Variants in SIPA1L1 observed in about 807,000 individuals in gnomAD.
The protein encoded by SIPA1L1 is signal induced proliferation associated 1 like 1.
In SIPA1L1, 26 loss-of-function variants were observed where a neutral mutation model predicts 162.7. The ratio of observed to expected loss-of-function variants is 0.16; its 90% CI spans 0.12 to 0.22. SIPA1L1 has a LOEUF of 0.22. SIPA1L1 is among the 10% of genes least tolerant of loss of function. The pLI is 1.00. For missense variants in SIPA1L1, 1,874 were observed against 2,241.0 expected (o/e 0.84, Z 3.31); for synonymous variants, 829 against 837.4 (o/e 0.99, Z 0.17).
At chr14:71,535,652 C>G (rs891648213) in intron 4 of SIPA1L1, among the ~76,000 whole-genome samples, 10 of 151,828 alleles carry the variant, frequency 6.6e-5, no homozygotes, top group Admixed American at 4.6e-4. Context: ...CAGTCTGTCA[C>G]CTAGGCTGGT....
chr14:71,513,010 C>G (rs1188471588), intron 3 of SIPA1L1, among the ~76,000 whole-genome samples, 165 bp downstream of exon 3: 1 of 152,142 alleles, frequency 6.6e-6, no homozygotes, highest in African/African-American at 2.4e-5. Flanking sequence ...CTTTCCAGAT[C>G]GAACCAATGT....
intron 2 of SIPA1L1, among the ~76,000 whole-genome samples, chr14:71,437,881 A>G (rs1260766815): frequency 6.6e-6 from 1 of 152,212 alleles, no homozygotes; most frequent in African/African-American, 2.4e-5. Flanking sequence ...CTCAATAGGA[A>G]GTAATTTGGA....
chr14:71,570,083 G>A (rs2031665096), intron 4 of SIPA1L1, among the ~76,000 whole-genome samples: 1 of 152,038 alleles, frequency 6.6e-6, no homozygotes, highest in African/African-American at 2.4e-5. Context: ...AAGTTTAGAG[G>A]ATAAGCAGAT....
At chr14:71,349,010 G>A (rs1485653176) in intron 2 of SIPA1L1, among the ~76,000 whole-genome samples, 2 of 152,180 alleles carry the variant, frequency 1.3e-5, no homozygotes, top group African/African-American at 4.8e-5. Context: ...CTCATCCACC[G>A]CAAGGGTTGT....
chr14:71,324,683 ATGTACTCTTT>A (rs1260397011), intron 2 of SIPA1L1, among the ~76,000 whole-genome samples: 2 of 152,236 alleles, frequency 1.3e-5, no homozygotes, highest in African/African-American at 4.8e-5. Context: ...ACAGAGCATA[ATGTACTCTTT>A]AGCTCTTTAG....
intron 4 of SIPA1L1, among the ~76,000 whole-genome samples, chr14:71,581,385 A>T (rs995217324): frequency 6.6e-6 from 1 of 152,114 alleles, no homozygotes; most frequent in Admixed American, 6.6e-5. Context: ...AAGCAAGGTG[A>T]TATATACAGT....
At chr14:71,511,236 T>G (rs1939585479) in intron 2 of SIPA1L1, among the ~76,000 whole-genome samples, 1 of 152,098 alleles carries the variant, frequency 6.6e-6, no homozygotes, top group Non-Finnish European at 1.5e-5. Context: ...GATCTAAAAC[T>G]TCTAAAACTT....
chr14:71,476,880 A>T (rs987717832), intron 2 of SIPA1L1, among the ~76,000 whole-genome samples: 1 of 151,700 alleles, frequency 6.6e-6, no homozygotes, highest in African/African-American at 2.4e-5. Context: ...ACGGGTTTTC[A>T]CCGTGTTAGC....
chr14:71,351,155 CTT>C (rs1263509253), intron 2 of SIPA1L1, among the ~76,000 whole-genome samples: 2 of 152,142 alleles, frequency 1.3e-5, no homozygotes, highest in Non-Finnish European at 2.9e-5. Flanking sequence ...AAATGCTACT[CTT>C]TAGGTTGCAA....
intron 7 of SIPA1L1, among the ~76,000 whole-genome samples, chr14:71,630,624 T>C (rs923522185): frequency 1.3e-5 from 2 of 152,182 alleles, no homozygotes; most frequent in African/African-American, 2.4e-5. Context: ...CTATAGGATT[T>C]ATCTAAACTA....
intron 2 of SIPA1L1, among the ~76,000 whole-genome samples, chr14:71,337,123 T>C (rs2035176647): frequency 6.6e-6 from 1 of 152,234 alleles, no homozygotes; most frequent in African/African-American, 2.4e-5. Flanking sequence ...ATCAAAGTCA[T>C]ACTTTCCTGC....
Position 71,709,973 on chromosome 14 carries a change from C to T in SIPA1L1, c.4208+309C>T, listed in dbSNP as rs72729977. On this transcript the variant is annotated intron_variant, in intron 17 of 23. Coordinates refer to ENST00000381232, the MANE Select transcript of SIPA1L1 (RefSeq NM_001386936.1). The stretch of plus-strand genomic sequence containing the variant: ...TTTGTAATTTTGTAATGTTGGCTTT[C>T]GGTGAGTAATAGGGAATGTATACTG... Among the ~76,000 whole-genome samples the T allele has an allele frequency of 3.2e-4, 49 of 152,216 alleles. No individual in the cohort carries two copies. The South Asian group carries it at 9.7e-3, about 30-fold the overall frequency.
In SIPA1L1 at chr14:71,373,554, G is replaced by A. The variant is rs571067249; in HGVS notation, c.-465+52373G>A. ...GTGGGAGAATTGCTTGAACCCAGGA[G>A]GCTGAGGCAGGAAAATCGCTTGAAC... On this transcript the variant is annotated intron_variant, in intron 2 of 23. Transcript: ENST00000381232. 5.9e-5 allele frequency among the ~76,000 whole-genome samples: 9 copies of A among 151,450 alleles called. No individual in the cohort carries two copies. The East Asian group carries it at 1.7e-3, about 29-fold the overall frequency.
chr14:71,663,103 T>C (rs944344022), intron 10 of SIPA1L1, among the ~76,000 whole-genome samples: 2 of 152,250 alleles, frequency 1.3e-5, no homozygotes, highest in African/African-American at 2.4e-5. Flanking sequence ...ATATTAATTT[T>C]ACATTTTTTA....
At position 71,589,157 on chromosome 14, in the gene SIPA1L1, A is replaced by G. The variant is rs1298958824; in HGVS notation, c.1285A>G (p.Ile429Val). The G allele has an allele frequency of 1.2e-6, 2 of 1,614,074 alleles. No homozygotes were observed. Among genetic ancestry groups the G allele is most frequent in the South Asian group, 2.2e-5 (2 of 91,084 alleles). Reference protein sequence around the residue: ...NEIGGEGERKISLSKSNSGSF... With the variant: ...NEIGGEGERKVSLSKSNSGSF... ...GATAGGTGGAGAAGGGGAGAGGAAA[A>G]TCAGCCTTTCAAAATCAAATTCTGG... is the stretch of plus-strand genomic sequence containing the variant. Residue 429 changes from isoleucine (I) to valine (V), a missense_variant, in exon 5 of 24, where the codon ATC becomes GTC. By Grantham distance (29) the Ile-to-Val change is conservative. Transcript: ENST00000381232.
chr14:71,540,326 A>T (rs776308570), intron 4 of SIPA1L1, among the ~76,000 whole-genome samples: 4 of 152,194 alleles, frequency 2.6e-5, no homozygotes, highest in Non-Finnish European at 5.9e-5. Context: ...CTGAAATCAA[A>T]ATACCATCAA....
intron 2 of SIPA1L1, among the ~76,000 whole-genome samples, chr14:71,373,856 A>T (rs1163794287): frequency 6.6e-6 from 1 of 152,108 alleles, no homozygotes; most frequent in African/African-American, 2.4e-5. Context: ...GCTTGAGGCC[A>T]GGAGTTCAAG....
intron 12 of SIPA1L1, among the ~76,000 whole-genome samples, chr14:71,679,016 G>A (rs1215007921): frequency 6.6e-6 from 1 of 152,020 alleles, no homozygotes; most frequent in African/African-American, 2.4e-5. Flanking sequence ...CACTCTTCAG[G>A]ATATTATCCT....
intron 2 of SIPA1L1, among the ~76,000 whole-genome samples, chr14:71,378,619 G>A (rs2039621913): frequency 6.6e-6 from 1 of 151,888 alleles, no homozygotes. Context: ...TTTTTCAATT[G>A]CCACATTTTC....
Sources: gnomAD v4.1 joint callset for allele counts (sites outside exome capture counted in the v4.1 genomes callset) on GRCh38, gnomAD v4.1.1 for gene constraint, MANE v1.5 for transcripts, NCBI Gene and HGNC (gene_info 2026-07-23, HGNC 2026-07-21) for gene names.